Variants in CADM2 observed in about 807,000 individuals in gnomAD.
CADM2 encodes the protein immunoglobulin superfamily member 4D.
A neutral mutation model predicts 49.8 loss-of-function variants in CADM2; 12 were observed. The ratio of observed to expected loss-of-function variants is 0.24; its 90% CI spans 0.15 to 0.39. CADM2 has a LOEUF of 0.39. Among genes scored for constraint, CADM2 ranks in the 10% least tolerant of loss-of-function variants. The probability of loss-of-function intolerance (pLI) is 1.00; values close to 1 mark genes in which losing one functional copy is unlikely to be tolerated. For missense variants in CADM2, 378 were observed against 492.3 expected (o/e 0.77, Z 2.20); for synonymous variants, 214 against 175.4 (o/e 1.22, Z -1.74).
At chr3:85,541,893 C>T (rs759902773) in intron 1 of CADM2, among the ~76,000 whole-genome samples, 2 of 150,100 alleles carry the variant, frequency 1.3e-5, no homozygotes, top group African/African-American at 2.5e-5. Context: ...GGCAGAAAAG[C>T]ATAAGAACGA....
chr3:85,748,792 C>A (rs2068738046), intron 2 of CADM2, among the ~76,000 whole-genome samples: 1 of 151,536 alleles, frequency 6.6e-6, no homozygotes, highest in South Asian at 2.1e-4. Context: ...CTGTAAGGAA[C>A]TTTACTAGTT....
At chr3:85,709,164 A>C (rs1158617201) in intron 1 of CADM2, among the ~76,000 whole-genome samples, 1 of 152,144 alleles carries the variant, frequency 6.6e-6, no homozygotes, top group Non-Finnish European at 1.5e-5. Flanking sequence ...ATATTTTTCA[A>C]CTTGGCTTTT....
intron 3 of CADM2, among the ~76,000 whole-genome samples, chr3:85,821,113 G>T (rs2073533069): frequency 6.6e-6 from 1 of 152,036 alleles, no homozygotes; most frequent in Non-Finnish European, 1.5e-5. Context: ...ATTCTATTGT[G>T]GTTCTCTGCA....
chr3:85,217,029 A>G (rs2041943227), intron 1 of CADM2, among the ~76,000 whole-genome samples: 1 of 151,998 alleles, frequency 6.6e-6, no homozygotes, highest in South Asian at 2.1e-4. Flanking sequence ...AATATATTGT[A>G]TACTATTAAG....
chr3:84,985,878 C>T (rs1028299127), intron 1 of CADM2, among the ~76,000 whole-genome samples: 7 of 152,200 alleles, frequency 4.6e-5, no homozygotes, highest in Admixed American at 2.0e-4. Context: ...AAATCTTGCT[C>T]ATATTGACCA....
chr3:85,524,216 T>C (rs1219522661), intron 1 of CADM2, among the ~76,000 whole-genome samples: 1 of 152,166 alleles, frequency 6.6e-6, no homozygotes, highest in Non-Finnish European at 1.5e-5. Flanking sequence ...TCCTGTTTTC[T>C]ATTTTATTAA....
chr3:85,423,138 T>A (rs1034181677), intron 1 of CADM2, among the ~76,000 whole-genome samples: 1 of 152,072 alleles, frequency 6.6e-6, no homozygotes, highest in East Asian at 1.9e-4. Flanking sequence ...CTAAGGCAGA[T>A]TTCTTCTCAG....
In CADM2 at chr3:85,751,412, A is replaced by G. The variant is rs565210477; in HGVS notation, c.88+24864A>G. ...TCTTACAATATTTATCATCTTAATG[A>G]CATGTTTAAATAAGTATGTTTTATA... On this transcript the variant is annotated intron_variant, in intron 2 of 9. Coordinates refer to ENST00000383699, the MANE Select transcript of CADM2 (RefSeq NM_001167675.2). 5.9e-5 allele frequency among the ~76,000 whole-genome samples: 9 copies of G among 152,304 alleles called. No individual in the cohort carries two copies. In the South Asian group the frequency reaches 1.7e-3, roughly 28 times the overall value.
At chr3:85,815,329 C>T (rs532540941) in intron 3 of CADM2, among the ~76,000 whole-genome samples, 8 of 152,160 alleles carry the variant, frequency 5.3e-5, no homozygotes, top group Admixed American at 2.0e-4. Flanking sequence ...TGATGAACAT[C>T]GATGCGAAAA....
intron 1 of CADM2, among the ~76,000 whole-genome samples, chr3:85,467,865 A>G (rs1216557468): frequency 6.6e-6 from 1 of 152,184 alleles, no homozygotes; most frequent in Non-Finnish European, 1.5e-5. Flanking sequence ...TTCATTCGAC[A>G]CTGTTTCTGT....
intron 4 of CADM2, among the ~76,000 whole-genome samples, chr3:85,885,829 G>T (rs1301974606): frequency 7.6e-6 from 1 of 132,332 alleles, no homozygotes; most frequent in Admixed American, 8.6e-5. Context: ...TCCATCCTGG[G>T]CGACAGAGCA....
chr3:85,440,035 T>C (rs2037127232), intron 1 of CADM2, among the ~76,000 whole-genome samples: 1 of 152,224 alleles, frequency 6.6e-6, no homozygotes, highest in Non-Finnish European at 1.5e-5. Context: ...ATATTTTAGA[T>C]TAAAGGGCAC....
chr3:85,781,393 A>G (rs1413788029), intron 2 of CADM2, among the ~76,000 whole-genome samples: 1 of 152,082 alleles, frequency 6.6e-6, no homozygotes, highest in Non-Finnish European at 1.5e-5. Context: ...TCTATATTCT[A>G]CTTTCTCTTT....
At chr3:85,319,378 T>C (rs2044544986) in intron 1 of CADM2, among the ~76,000 whole-genome samples, 1 of 152,178 alleles carries the variant, frequency 6.6e-6, no homozygotes, top group Non-Finnish European at 1.5e-5. Context: ...TGTGGAAAGC[T>C]GTGTGGCAAT....
intron 1 of CADM2, among the ~76,000 whole-genome samples, chr3:85,091,553 CTT>C (rs2037598344): frequency 6.6e-6 from 1 of 152,044 alleles, no homozygotes; most frequent in South Asian, 2.1e-4. Flanking sequence ...ATTCCATACA[CTT>C]TTAAAATATC....
chr3:85,499,179 T>C (rs2040019967), intron 1 of CADM2, among the ~76,000 whole-genome samples: 1 of 152,142 alleles, frequency 6.6e-6, no homozygotes, highest in Non-Finnish European at 1.5e-5. Flanking sequence ...CAAAGCATAC[T>C]GATGTTCTTC....
chr3:85,172,902 TTATA>T (rs1232686460), intron 1 of CADM2, among the ~76,000 whole-genome samples: 1 of 145,650 alleles, frequency 6.9e-6, no homozygotes, highest in Non-Finnish European at 1.5e-5. Context: ...CAATTATATA[TTATA>T]TATAATATAT....
intron 5 of CADM2, among the ~76,000 whole-genome samples, chr3:85,894,744 G>A (rs1462807348): frequency 6.6e-6 from 1 of 152,182 alleles, no homozygotes; most frequent in African/African-American, 2.4e-5. Context: ...AGCTGCTTCA[G>A]CTCCAGCTGT....
intron 1 of CADM2, among the ~76,000 whole-genome samples, chr3:85,722,586 G>A (rs372203703): frequency 5.9e-5 from 9 of 152,190 alleles, no homozygotes; most frequent in East Asian, 3.9e-4. Flanking sequence ...TTTCCTTGAC[G>A]AATAACTTTC....
Sources: gnomAD v4.1 joint callset for allele counts (sites outside exome capture counted in the v4.1 genomes callset) on GRCh38, gnomAD v4.1.1 for gene constraint, MANE v1.5 for transcripts, NCBI Gene and HGNC (gene_info 2026-07-23, HGNC 2026-07-21) for gene names.